Variants in MACF1 observed in about 807,000 individuals in gnomAD.
The protein encoded by MACF1 is microtubule actin crosslinking factor 1, also known as microtubule-actin cross-linking factor 1.
In MACF1, 193 loss-of-function variants were observed where a neutral mutation model predicts 854.8. The observed-to-expected ratio is 0.23, with a 90% confidence interval of 0.20 to 0.25. The LOEUF (loss-of-function observed/expected upper bound fraction) is 0.25. Among genes scored for constraint, MACF1 ranks in the 10% least tolerant of loss-of-function variants. MACF1 has a pLI of 1.00. For missense variants in MACF1, 7,722 were observed against 8,929.1 expected (o/e 0.86, Z 5.45); for synonymous variants, 3,185 against 3,226.7 (o/e 0.99, Z 0.44).
chr1:39,285,332 A>G lies in MACF1; in HGVS notation c.1295A>G (p.Gln432Arg), dbSNP rs767697193. Residue 432 changes from glutamine (Q) to arginine (R), a missense_variant, in exon 13 of 101, where the codon CAG becomes CGG. Physicochemically the swap from Gln to Arg is conservative, Grantham distance 43 (BLOSUM62 1). This residue lies in a region of MACF1 where 1,137 missense variants were observed against 1,263.0 expected (regional missense o/e 0.90). Coordinates refer to ENST00000564288, the MANE Select transcript of MACF1 (RefSeq NM_001394062.1). Reference protein sequence around the residue: ...ELLLQIANKIQNGALNCEEKL... With the variant: ...ELLLQIANKIRNGALNCEEKL... ...CTGCTACAGATTGCAAACAAAATCC[A>G]GAATGGTGCTTTGAACTGTGAAGAA... The G allele has an allele frequency of 3.7e-6, 6 of 1,614,210 alleles. No homozygotes were observed. The highest frequency in any genetic ancestry group is 4.2e-6 in the Non-Finnish European group (5 of 1,180,028).
intron 87 of MACF1, 108 bp from the exon 88 acceptor site, chr1:39,453,597 AAC>A: frequency 1.1e-6 from 1 of 934,900 alleles, no homozygotes; most frequent in Non-Finnish European, 1.7e-6. Flanking sequence ...GGTCTGCGTT[AAC>A]ACATGGAGGA....
At chr1:39,413,979 A>G (rs1643165276) in intron 58 of MACF1, 3 of 1,606,888 alleles carry the variant, frequency 1.9e-6, no homozygotes, top group Non-Finnish European at 8.5e-7. Flanking sequence ...TGTCCAACCC[A>G]GAGGAGCCCA....
intron 58 of MACF1, among the ~76,000 whole-genome samples, chr1:39,397,020 C>T (rs1642300717): frequency 6.6e-6 from 1 of 152,164 alleles, no homozygotes. Flanking sequence ...CCAGTCATGT[C>T]ATTTGAAATA....
chr1:39,137,654 C>A (rs1236082189), intron 2 of MACF1, among the ~76,000 whole-genome samples: 1 of 152,250 alleles, frequency 6.6e-6, no homozygotes, highest in Admixed American at 6.5e-5. Context: ...GCATGAGCCA[C>A]TGTGCCCCAA....
intron 97 of MACF1, among the ~76,000 whole-genome samples, chr1:39,479,143 C>G (rs1268550182): frequency 6.6e-6 from 1 of 152,196 alleles, no homozygotes; most frequent in Admixed American, 6.5e-5. Flanking sequence ...CTCCTACTTG[C>G]AGTTACTCCT....
rs185449128 is a variant in MACF1 at position 39,093,074 on chromosome 1, G to A, written c.220+8636G>A. 1.8e-3 allele frequency among the ~76,000 whole-genome samples: 268 copies of A among 151,672 alleles called. 1 individual carries two copies. Among genetic ancestry groups the A allele is most frequent in the African/African-American group, 6.2e-3 (256 of 41,352 alleles). Reference sequence around the variant, plus strand: ...GCTGGGATTACAGGTGTGAGCCACCGCGCCTGGCAAGTTCCTGTTTTTCCA... The same window carrying A: ...GCTGGGATTACAGGTGTGAGCCACCACGCCTGGCAAGTTCCTGTTTTTCCA... On this transcript the variant is annotated intron_variant, in intron 2 of 93. Coordinates refer to the MACF1 transcript ENST00000361689.
chr1:39,302,810 C>CTTT, intron 22 of MACF1, 114 bp from the exon 23 acceptor site: 1 of 1,012,578 alleles, frequency 9.9e-7, no homozygotes, highest in South Asian at 1.8e-5. Context: ...GATAGCAGAT[C>CTTT]TTTTCTTAAG....
intron 58 of MACF1, among the ~76,000 whole-genome samples, chr1:39,403,903 C>CA (rs1415951124): frequency 4.6e-5 from 7 of 151,948 alleles, no homozygotes; most frequent in Admixed American, 6.6e-5. Flanking sequence ...CCGAGGCGGG[C>CA]AGATCACCTG....
intron 2 of MACF1, among the ~76,000 whole-genome samples, chr1:39,094,403 C>CA (rs535765878): frequency 1.4e-3 from 171 of 123,720 alleles, no homozygotes; most frequent in Middle Eastern, 5.0e-3. Flanking sequence ...ATTTTGTCTC[C>CA]AAAAAAAAAA....
intron 58 of MACF1, among the ~76,000 whole-genome samples, chr1:39,402,995 C>T (rs1642534089): frequency 6.6e-6 from 1 of 151,968 alleles, no homozygotes; most frequent in Non-Finnish European, 1.5e-5. Context: ...GGCAGCTCCT[C>T]ACTGTTCTAT....
chr1:39,441,463 G>A, intron 74 of MACF1, 138 bp downstream of exon 74: 1 of 670,248 alleles, frequency 1.5e-6, no homozygotes, highest in Non-Finnish European at 2.5e-6. Context: ...CACAAATTTA[G>A]CCAAAGTTCC....
chr1:39,427,801 G>A (rs1423075103), intron 62 of MACF1, among the ~76,000 whole-genome samples, 160 bp from the exon 63 acceptor site: 1 of 152,128 alleles, frequency 6.6e-6, no homozygotes, highest in African/African-American at 2.4e-5. Flanking sequence ...GCTACCACCG[G>A]AATAAACAGC....
intron 1 of MACF1, among the ~76,000 whole-genome samples, chr1:39,218,246 A>G: frequency 6.6e-6 from 1 of 150,938 alleles, no homozygotes; most frequent in Non-Finnish European, 1.5e-5. Flanking sequence ...ACAGACTGAT[A>G]TTTAGGAACT....
At chr1:39,463,825 G>A (rs1181544279) in intron 94 of MACF1, 139 bp downstream of exon 94, 2 of 671,238 alleles carry the variant, frequency 3.0e-6, no homozygotes, top group African/African-American at 1.8e-5. Context: ...CTCTATAGAT[G>A]CCAAGTGTCA....
In MACF1 at chr1:39,084,175, T is replaced by C. The variant is rs1259526838; in HGVS notation, c.-44T>C. On this transcript the variant is annotated 5_prime_UTR_variant, in exon 2 of 94. Transcript: ENST00000361689. This position sits in a 1 kb window ranked among gnomAD's most constrained non-coding sequence, Gnocchi z 5.2. ...ACCCCTTTCTCCTTCAGATCACTTCTCCCTGGGCTCCCAGGCCCTCCTGCA... is the reference window on the plus strand; with the variant it reads ...ACCCCTTTCTCCTTCAGATCACTTCCCCCTGGGCTCCCAGGCCCTCCTGCA... The C allele has an allele frequency of 2.5e-6, 4 of 1,571,734 alleles. No individual in the cohort carries two copies. Among genetic ancestry groups the C allele is most frequent in the Non-Finnish European group, 3.5e-6 (4 of 1,148,648 alleles).
At chr1:39,119,177 C>A (rs567056674) in intron 2 of MACF1, among the ~76,000 whole-genome samples, 1 of 151,996 alleles carries the variant, frequency 6.6e-6, no homozygotes, top group African/African-American at 2.4e-5. Flanking sequence ...AATTAGCTGG[C>A]GTGGTGGCCC....
At chr1:39,233,624 G>T (rs1397275902) in intron 2 of MACF1, among the ~76,000 whole-genome samples, 1 of 152,030 alleles carries the variant, frequency 6.6e-6, no homozygotes, top group African/African-American at 2.4e-5. Flanking sequence ...AGGGCCACTT[G>T]TTTAGTGGGT....
At chr1:39,265,696 A>G (rs538007051) in intron 6 of MACF1, among the ~76,000 whole-genome samples, 3 of 152,318 alleles carry the variant, frequency 2.0e-5, no homozygotes, top group Non-Finnish European at 2.9e-5. Context: ...TACAGTTTCT[A>G]CTGAATGCAT....
chr1:39,172,651 C>T (rs1289492135), intron 2 of MACF1, among the ~76,000 whole-genome samples: 1 of 152,240 alleles, frequency 6.6e-6, no homozygotes, highest in East Asian at 1.9e-4. Flanking sequence ...CGTGGCTGTT[C>T]TTGTTCACCA....
Sources: gnomAD v4.1 joint callset for allele counts (sites outside exome capture counted in the v4.1 genomes callset) on GRCh38, gnomAD v4.1.1 for gene constraint, gnomAD v4.1.1 regional missense constraint, Gnocchi (gnomAD v3.1) non-coding constraint, MANE v1.5 for transcripts, NCBI Gene and HGNC (gene_info 2026-07-23, HGNC 2026-07-21) for gene names.